The following KLHL1 variants were observed in gnomAD, a reference collection of about 807,000 sequenced individuals.
KLHL1 encodes kelch-like protein 1.
KLHL1 carries 47 observed loss-of-function variants against 77.7 expected under a neutral mutation model. The observed-to-expected ratio is 0.60, with a 90% CI of 0.48 to 0.77. KLHL1 has a LOEUF of 0.77. Ranked by LOEUF, KLHL1 falls within the 30% of genes least tolerant of loss-of-function variation. KLHL1 has a pLI of 0.00. For synonymous variants in KLHL1, 360 were observed against 325.2 expected (o/e 1.11, Z -1.15); for missense variants, 925 against 910.8 (o/e 1.02, Z -0.20).
chr13:69,795,457 C>A (rs916492134), intron 7 of KLHL1, among the ~76,000 whole-genome samples: 1 of 152,120 alleles, frequency 6.6e-6, no homozygotes, highest in African/African-American at 2.4e-5. Context: ...GGAAAGGAAG[C>A]ACTTAGTCAA....
intron 7 of KLHL1, among the ~76,000 whole-genome samples, chr13:69,786,590 C>T (rs146335533): frequency 0.01 from 1,538 of 152,280 alleles, 22 homozygotes; most frequent in African/African-American, 0.028. Flanking sequence ...CGTTTGAAAA[C>T]TGGCACAAGA....
intron 1 of KLHL1, among the ~76,000 whole-genome samples, chr13:70,031,457 T>G (rs1185638763): frequency 6.6e-6 from 1 of 152,212 alleles, no homozygotes; most frequent in East Asian, 1.9e-4. Context: ...ACTCAAAATT[T>G]ACATTAAATG....
intron 1 of KLHL1, among the ~76,000 whole-genome samples, chr13:70,039,227 C>G (rs2137377034): frequency 6.6e-6 from 1 of 151,016 alleles, no homozygotes; most frequent in South Asian, 2.1e-4. Context: ...CACCAGCATG[C>G]CCAGCTAATT....
intron 4 of KLHL1, among the ~76,000 whole-genome samples, chr13:69,904,812 A>G (rs537307914): frequency 6.6e-6 from 1 of 152,256 alleles, no homozygotes; most frequent in South Asian, 2.1e-4. Context: ...GCTGAACTAT[A>G]CTGAGTTTTT....
At chr13:69,910,656 A>G (rs1200146276) in intron 4 of KLHL1, among the ~76,000 whole-genome samples, 2 of 152,122 alleles carry the variant, frequency 1.3e-5, no homozygotes, top group Non-Finnish European at 2.9e-5. Flanking sequence ...GCTTTATCAG[A>G]CAAAAAATTC....
At chr13:69,745,072 C>T (rs1027309386) in intron 7 of KLHL1, among the ~76,000 whole-genome samples, 1 of 151,754 alleles carries the variant, frequency 6.6e-6, no homozygotes, top group Non-Finnish European at 1.5e-5. Context: ...TTATTTCCCC[C>T]AGTAAAGGAG....
chr13:69,891,041 A>G (rs867590975), intron 4 of KLHL1, among the ~76,000 whole-genome samples: 5 of 152,096 alleles, frequency 3.3e-5, no homozygotes, highest in Non-Finnish European at 4.4e-5. Context: ...GGAAATAAAC[A>G]TGGAATATAA....
At chr13:69,936,515 G>T (rs887084380) in intron 4 of KLHL1, among the ~76,000 whole-genome samples, 2 of 151,280 alleles carry the variant, frequency 1.3e-5, no homozygotes, top group African/African-American at 4.9e-5. Flanking sequence ...CCCGAACCTG[G>T]GAGGCGGAGG....
At chr13:69,708,433 T>C (rs1398097768) in intron 9 of KLHL1, among the ~76,000 whole-genome samples, 1 of 151,908 alleles carries the variant, frequency 6.6e-6, no homozygotes, top group Non-Finnish European at 1.5e-5. Context: ...GGATGTTTGA[T>C]TCCCTGGGTA....
intron 7 of KLHL1, among the ~76,000 whole-genome samples, chr13:69,740,877 TATAAA>T (rs1187346449): frequency 2.0e-5 from 3 of 152,136 alleles, no homozygotes; most frequent in Admixed American, 1.3e-4. Flanking sequence ...CTAGATGCTT[TATAAA>T]ATAATACTAA....
intron 4 of KLHL1, among the ~76,000 whole-genome samples, chr13:69,887,057 G>T (rs968023050): frequency 6.6e-6 from 1 of 152,120 alleles, no homozygotes; most frequent in African/African-American, 2.4e-5. Context: ...CTCTGGTTGA[G>T]GTTGATTAGG....
At chr13:69,875,132 A>C (rs1012071424) in intron 5 of KLHL1, among the ~76,000 whole-genome samples, 1 of 152,146 alleles carries the variant, frequency 6.6e-6, no homozygotes, top group Non-Finnish European at 1.5e-5. Context: ...AACACAATTG[A>C]GATTGGGGGG....
At chr13:69,974,805 A>G (rs1884495889) in intron 2 of KLHL1, among the ~76,000 whole-genome samples, 1 of 152,072 alleles carries the variant, frequency 6.6e-6, no homozygotes, top group Non-Finnish European at 1.5e-5. Context: ...CACACATATT[A>G]TGACATTGAA....
intron 2 of KLHL1, among the ~76,000 whole-genome samples, chr13:69,969,192 T>C (rs1437727721): frequency 6.6e-6 from 1 of 152,134 alleles, no homozygotes; most frequent in Admixed American, 6.6e-5. Flanking sequence ...GACTTAACCA[T>C]GTAATTCATG....
intron 8 of KLHL1, among the ~76,000 whole-genome samples, chr13:69,738,444 A>G (rs1013343117): frequency 6.6e-6 from 1 of 152,034 alleles, no homozygotes; most frequent in African/African-American, 2.4e-5. Flanking sequence ...GTAACAACAA[A>G]CTTCACTGAG....
chr13:70,072,363 TA>T (rs1887156547), intron 1 of KLHL1, among the ~76,000 whole-genome samples: 1 of 152,124 alleles, frequency 6.6e-6, no homozygotes, highest in South Asian at 2.1e-4. Context: ...ACTAAATAGT[TA>T]AGGTAGAAAT....
At chr13:69,957,912 C>G (rs17085815) in intron 3 of KLHL1, among the ~76,000 whole-genome samples, 2,349 of 151,726 alleles carry the variant, frequency 0.015, 52 homozygotes, top group African/African-American at 0.053. Context: ...TTCTCTAACA[C>G]CAGTGTAAAT....
intron 1 of KLHL1, among the ~76,000 whole-genome samples, chr13:70,085,239 G>A (rs528409069): frequency 4.6e-5 from 7 of 152,194 alleles, no homozygotes; most frequent in South Asian, 2.1e-4. Context: ...GAGAGAGAAC[G>A]GGAAGTGAGG....
At chr13:70,086,637 G>A (rs1434564919) in intron 1 of KLHL1, among the ~76,000 whole-genome samples, 63 of 105,600 alleles carry the variant, frequency 6.0e-4, no homozygotes, top group Middle Eastern at 5.6e-3. Flanking sequence ...AAAGAAAAAA[G>A]AAAAAGAAAA....
Sources: gnomAD v4.1 joint callset for allele counts (sites outside exome capture counted in the v4.1 genomes callset) on GRCh38, gnomAD v4.1.1 for gene constraint, MANE v1.5 for transcripts, NCBI Gene and HGNC (gene_info 2026-07-23, HGNC 2026-07-21) for gene names.